The following DSC3 variants were observed in gnomAD, a reference collection of about 807,000 sequenced individuals.
The protein encoded by DSC3 is desmocollin-3.
Under a neutral mutation model 89.5 loss-of-function variants are expected in DSC3, and 97 were observed. The observed-to-expected ratio is 1.08, with a 90% CI of 0.92 to 1.28. DSC3 has a LOEUF of 1.28. Among genes scored for constraint, DSC3 ranks in the 50% most tolerant of loss-of-function variants. DSC3 has a pLI of 0.00. For missense variants in DSC3, 1,199 were observed against 1,085.3 expected (o/e 1.10, Z -1.47); for synonymous variants, 436 against 384.1 (o/e 1.14, Z -1.58).
At chr18:31,035,721 AT>A (rs1412283393) in intron 1 of DSC3, among the ~76,000 whole-genome samples, 1 of 151,898 alleles carries the variant, frequency 6.6e-6, no homozygotes, top group Non-Finnish European at 1.5e-5. Flanking sequence ...TTTAAAAAAA[AT>A]GAACATTTTG....
At chr18:31,041,091 G>C (rs1986115096) in intron 1 of DSC3, among the ~76,000 whole-genome samples, 1 of 152,026 alleles carries the variant, frequency 6.6e-6, no homozygotes, top group African/African-American at 2.4e-5. Flanking sequence ...CCTTGCCACA[G>C]CTCGACACCC....
chr18:31,028,237 G>A (rs1036714534), intron 4 of DSC3, among the ~76,000 whole-genome samples: 1 of 152,094 alleles, frequency 6.6e-6, no homozygotes, highest in African/African-American at 2.4e-5. Context: ...GATGGATGAG[G>A]AAGATCCAGC....
chr18:31,007,097 G>A lies in DSC3; in HGVS notation c.1698C>T (p.Asn566=). 1 of 1,613,794 alleles carries A rather than the reference G, an allele frequency of 6.2e-7. No homozygotes were observed. Among genetic ancestry groups the A allele is most frequent in the Non-Finnish European group, 8.5e-7 (1 of 1,179,818 alleles). The change falls in exon 12 of 16, where the codon AAC becomes AAT. Residue 566 remains asparagine (N), a synonymous_variant. Transcript: ENST00000360428. ...DRSCTGTLAV[N]IEDVNDNPPE... Reference sequence around the variant, plus strand: ...GTGGATTATCATTTACATCTTCAATGTTCACAGCAAGTGTTCCAGTACATG... The same window carrying A: ...GTGGATTATCATTTACATCTTCAATATTCACAGCAAGTGTTCCAGTACATG...
At chr18:31,023,704 G>T (rs75760087) in intron 6 of DSC3, among the ~76,000 whole-genome samples, 1,713 of 152,112 alleles carry the variant, frequency 0.011, 34 homozygotes, top group African/African-American at 0.039. Context: ...TTATTGTGAG[G>T]GGTTATTCTC....
At chr18:31,028,287 C>G (rs1271731559) in intron 4 of DSC3, among the ~76,000 whole-genome samples, 1 of 151,924 alleles carries the variant, frequency 6.6e-6, no homozygotes, top group Non-Finnish European at 1.5e-5. Context: ...AAGTGGAAAA[C>G]TAGACGAATG....
In DSC3 at chr18:30,991,450, G is replaced by T. The variant is rs1984238985; in HGVS notation, c.*2725C>A. 1 of 152,466 alleles carries T rather than the reference G, an allele frequency of 6.6e-6. No homozygotes were observed. The highest frequency in any genetic ancestry group is 1.9e-4 in the East Asian group (1 of 5,182). The allele number at this position is 152,466 out of a possible 1,614,324, so 9.4% of individuals were successfully genotyped here. ...CCTAAAATTAAATTTTCATTTGAGA[G>T]AAAAGAATTACAAATTCGGGCATAC... On this transcript the variant is annotated 3_prime_UTR_variant, in exon 16 of 16. Coordinates refer to ENST00000360428, the MANE Select transcript of DSC3 (RefSeq NM_001941.5).
Position 31,008,067 on chromosome 18 carries a change from C to T in DSC3, c.1612G>A (p.Glu538Lys), listed in dbSNP as rs1304195523. The change falls in exon 11 of 16, where the codon GAA becomes AAA. Residue 538 changes from glutamate (E) to lysine (K), a missense_variant. Transcript: ENST00000360428. ...TTATACAACTCATTTTTGGGAGTTT[C>T]AACCTCCCTATCCAGGATTTTGGAA... ...ITSKILDREV[E>K]TPKNELYNIT... 3.1e-6 allele frequency: 5 copies of T among 1,612,908 alleles called. No individual in the cohort carries two copies. Among genetic ancestry groups the T allele is most frequent in the Non-Finnish European group, 3.4e-6 (4 of 1,179,580 alleles).
rs770097665 is a variant in DSC3 at position 30,994,287 on chromosome 18, G to A, written c.2579C>T (p.Pro860Leu). The change falls in exon 16 of 16, where the codon CCA becomes CTA. Residue 860 changes from proline to leucine, a missense_variant. By Grantham distance (98) the Pro-to-Leu change is moderately conservative. Transcript: ENST00000360428. ...ACTGCAGCAGCCCACAGAACCAGCTGGAGATCCTCTTCCCTCATAGTTATA... is the reference window on the plus strand; with the variant it reads ...ACTGCAGCAGCCCACAGAACCAGCTAGAGATCCTCTTCCCTCATAGTTATA... Reference protein sequence around the residue: ...LTYNYEGRGSPAGSVGCCSEK... With the variant: ...LTYNYEGRGSLAGSVGCCSEK... The A allele has an allele frequency of 9.0e-5, 145 of 1,613,932 alleles. No individual in the cohort carries two copies. The highest frequency in any genetic ancestry group is 1.2e-4 in the Non-Finnish European group (142 of 1,179,982).
chr18:31,020,609 C>T (rs1985386561), intron 7 of DSC3, among the ~76,000 whole-genome samples: 1 of 151,772 alleles, frequency 6.6e-6, no homozygotes, highest in Admixed American at 6.6e-5. Context: ...CTATCTCTTC[C>T]CTCAGTCTTT....
chr18:31,002,761 C>T (rs1275993561), intron 13 of DSC3, among the ~76,000 whole-genome samples: 1 of 150,488 alleles, frequency 6.6e-6, no homozygotes, highest in South Asian at 2.1e-4. Context: ...TCAAATTTTA[C>T]AGTCCATATA....
chr18:31,015,112 A>C (rs115348828), intron 9 of DSC3, among the ~76,000 whole-genome samples: 2,523 of 152,326 alleles, frequency 0.017, 75 homozygotes, highest in African/African-American at 0.059. Context: ...CTTCATGTAG[A>C]AACTAGGATG....
chr18:30,990,456 T>C lies in DSC3; in HGVS notation c.*3719A>G, dbSNP rs1166874944. 1 of 152,200 alleles carries C rather than the reference T, an allele frequency of 6.6e-6. No homozygotes were observed. Among genetic ancestry groups the C allele is most frequent in the African/African-American group, 2.4e-5 (1 of 41,456 alleles). The allele number at this position is 152,200 out of a possible 1,614,324, so 9.4% of individuals were successfully genotyped here. ...ACATACACAAAAATAATGGTTACAATAGAAGTTACTGGAATTGAAATTTTG... is the reference window on the plus strand; with the variant it reads ...ACATACACAAAAATAATGGTTACAACAGAAGTTACTGGAATTGAAATTTTG... On this transcript the variant is annotated 3_prime_UTR_variant, in exon 16 of 16. Transcript: ENST00000360428.
chr18:31,008,147 A>C lies in DSC3; in HGVS notation c.1532T>G (p.Leu511Trp). 6.2e-7 allele frequency: 1 copy of C among 1,611,200 alleles called. No individual in the cohort carries two copies. The highest frequency in any genetic ancestry group is 8.5e-7 in the Non-Finnish European group (1 of 1,178,358). ...GGTGATCCAACCTTTAGGATCATGC[A>C]ATTTTTTGTACCTGTTAATAAAAAA... ...RNGNGLRYKK[L>W]HDPKGWITID... The change falls in exon 11 of 16, where the codon TTG (leucine) becomes TGG (tryptophan). Residue 511 changes from leucine (L) to tryptophan (W), a missense_variant. Coordinates refer to ENST00000360428, the MANE Select transcript of DSC3 (RefSeq NM_001941.5).
At chr18:31,003,319 CTTGT>C (rs955149608) in intron 13 of DSC3, among the ~76,000 whole-genome samples, 15 of 152,054 alleles carry the variant, frequency 9.9e-5, no homozygotes, top group East Asian at 5.8e-4. Flanking sequence ...ATTGTTTTTG[CTTGT>C]TTGTTTGTTT....
chr18:31,010,339 G>C (rs961165409), intron 9 of DSC3, among the ~76,000 whole-genome samples: 2 of 152,210 alleles, frequency 1.3e-5, no homozygotes, highest in Non-Finnish European at 1.5e-5. Context: ...ATCACACAGA[G>C]AGTAAGAGCA....
At chr18:31,034,166 T>A (rs1985897321) in intron 1 of DSC3, among the ~76,000 whole-genome samples, 1 of 152,144 alleles carries the variant, frequency 6.6e-6, no homozygotes, top group African/African-American at 2.4e-5. Flanking sequence ...ATCGAAAATA[T>A]TTAAAGAATT....
At chr18:31,025,586 G>A (rs999727409) in intron 5 of DSC3, among the ~76,000 whole-genome samples, 174 bp downstream of exon 5, 2 of 152,132 alleles carry the variant, frequency 1.3e-5, no homozygotes, top group African/African-American at 2.4e-5. Flanking sequence ...CCTAACAGCA[G>A]TTGAGACAAA....
intron 9 of DSC3, among the ~76,000 whole-genome samples, chr18:31,014,890 A>T (rs1006479750): frequency 6.6e-6 from 1 of 151,944 alleles, no homozygotes; most frequent in Non-Finnish European, 1.5e-5. Context: ...TGAGGAAGTT[A>T]TTTACCTTCA....
At chr18:31,021,764 T>C (rs1790700) in intron 7 of DSC3, among the ~76,000 whole-genome samples, 69,872 of 151,566 alleles carry the variant, frequency 0.46, 16,661 homozygotes, top group East Asian at 0.88. Context: ...TTCTCATTTA[T>C]AGATAGGATA....
Sources: allele counts gnomAD v4.1 joint callset (sites outside exome capture counted in the v4.1 genomes callset), GRCh38; gene constraint gnomAD v4.1.1; transcripts MANE v1.5; gene names NCBI Gene and HGNC (gene_info 2026-07-23, HGNC 2026-07-21).